Variants in EPHA6 observed in about 807,000 individuals in gnomAD.
EPHA6 encodes EPH receptor A6, also known as ephrin type-A receptor 6.
Under a neutral mutation model 112.0 loss-of-function variants are expected in EPHA6, and 50 were observed. That is an observed-to-expected ratio of 0.45 (90% CI 0.36 to 0.56). EPHA6 has a LOEUF of 0.56. Ranked by LOEUF, EPHA6 falls within the 20% of genes least tolerant of loss-of-function variation. The pLI, the probability that EPHA6 is intolerant of heterozygous loss-of-function variation, is 0.00. For synonymous variants in EPHA6, 529 were observed against 490.7 expected, an observed-to-expected ratio of 1.08 and a Z score of -1.03; for missense variants, 1,280 against 1,417.4, an observed-to-expected ratio of 0.90 and a Z score of 1.56.
Position 97,607,095 on chromosome 3 carries a change from G to C in EPHA6, c.2513-3698G>C, listed in dbSNP as rs2093685322. 1.3e-5 allele frequency among the ~76,000 whole-genome samples: 2 copies of C among 148,632 alleles called. 1 individual carries two copies. Among genetic ancestry groups the C allele is most frequent in the South Asian group, 4.2e-4 (2 of 4,756 alleles). ...CACATTAGAAATTGCCAAACTAATAGAGAATACTACATCCAGTACAAACTC... is the reference window on the plus strand; with the variant it reads ...CACATTAGAAATTGCCAAACTAATACAGAATACTACATCCAGTACAAACTC... On this transcript the variant is annotated intron_variant, in intron 12 of 17. Transcript: ENST00000389672.
intron 3 of EPHA6, among the ~76,000 whole-genome samples, chr3:97,129,371 G>A (rs954274166): frequency 3.9e-5 from 6 of 151,988 alleles, no homozygotes; most frequent in African/African-American, 1.4e-4. Flanking sequence ...GCGTGGTGGA[G>A]GGTGCCTGTA....
chr3:97,531,846 T>C (rs776109112), intron 10 of EPHA6, among the ~76,000 whole-genome samples: 1 of 152,082 alleles, frequency 6.6e-6, no homozygotes, highest in African/African-American at 2.4e-5. Flanking sequence ...AATCACTTAC[T>C]ATGGTAGAGT....
intron 3 of EPHA6, among the ~76,000 whole-genome samples, chr3:97,182,341 TTATCA>T (rs2077012022): frequency 6.7e-6 from 1 of 148,904 alleles, no homozygotes; most frequent in Non-Finnish European, 1.5e-5. Context: ...TTATATATAA[TTATCA>T]TATTATAATA....
intron 3 of EPHA6, among the ~76,000 whole-genome samples, chr3:97,172,492 T>C (rs1292487025): frequency 6.6e-6 from 1 of 152,044 alleles, no homozygotes; most frequent in South Asian, 2.1e-4. Context: ...TTACTCATTC[T>C]AAAATCTGTT....
At chr3:97,551,996 T>C (rs949549273) in intron 11 of EPHA6, among the ~76,000 whole-genome samples, 3 of 152,276 alleles carry the variant, frequency 2.0e-5, no homozygotes, top group East Asian at 3.9e-4. Context: ...ATAATTAATA[T>C]AATTACTTCT....
chr3:97,433,818 G>T, intron 6 of EPHA6, among the ~76,000 whole-genome samples: 1 of 151,998 alleles, frequency 6.6e-6, no homozygotes, highest in East Asian at 1.9e-4. Context: ...AAACATATCC[G>T]TTCCACCCTC....
chr3:97,612,308 A>G lies in EPHA6; in HGVS notation c.2574+1454A>G, dbSNP rs542185364. The G allele has an allele frequency of 1.4e-3, 479 of 342,806 alleles. 2 individuals carry two copies. Among genetic ancestry groups the G allele is most frequent in the Admixed American group, 2.7e-3 (74 of 26,964 alleles). The allele number at this position is 342,806 out of a possible 1,614,324, so 21.2% of individuals were successfully genotyped here. On this transcript the variant is annotated intron_variant, in intron 13 of 17. Coordinates refer to ENST00000389672, the MANE Select transcript of EPHA6 (RefSeq NM_001080448.3). ...TTCTTATCAGATACATATCAAAATGACTCATCATCTAATGATGCTTGGGTT... is the reference window on the plus strand; with the variant it reads ...TTCTTATCAGATACATATCAAAATGGCTCATCATCTAATGATGCTTGGGTT...
chr3:97,085,918 T>C (rs575205150), intron 3 of EPHA6, among the ~76,000 whole-genome samples: 12 of 142,188 alleles, frequency 8.4e-5, no homozygotes, highest in African/African-American at 3.1e-4. Flanking sequence ...AGCTTTTATA[T>C]ATATGATGTC....
At position 97,622,071 on chromosome 3, in the gene EPHA6, T is replaced by G. The variant is rs552891732; in HGVS notation, c.2574+11217T>G. Among the ~76,000 whole-genome samples, 34 of 151,952 alleles carry G rather than the reference T, an allele frequency of 2.2e-4. 1 individual carries two copies. The South Asian group carries it at 6.0e-3, about 27-fold the overall frequency. On this transcript the variant is annotated intron_variant, in intron 13 of 17. Transcript: ENST00000389672. ...TTATTTTGATAAAATACACATAACA[T>G]AAAATTTACCATCTTAACCATTTTT...
rs549290973 is a variant in EPHA6 at position 97,757,345 on chromosome 3, A to G, written c.*8644A>G. On this transcript the variant is annotated 3_prime_UTR_variant, in exon 18 of 18. Coordinates refer to ENST00000389672, the MANE Select transcript of EPHA6 (RefSeq NM_001080448.3). ...TGTATTGATACATACAATTAGAAAG[A>G]AATGTCATCAAAATATCAAAAATAG... 6.6e-6 allele frequency among the ~76,000 whole-genome samples: 1 copy of G among 151,962 alleles called. No individual in the cohort carries two copies. The highest frequency in any genetic ancestry group is 2.1e-4 in the South Asian group (1 of 4,828).
intron 2 of EPHA6, among the ~76,000 whole-genome samples, chr3:96,943,048 A>T (rs761548073): frequency 6.6e-6 from 1 of 151,640 alleles, no homozygotes; most frequent in African/African-American, 2.4e-5. Context: ...TTCTACTTTT[A>T]TAAGATCAAC....
chr3:97,220,659 G>C lies in EPHA6; in HGVS notation c.1115-5605G>C, dbSNP rs1196886518. ...CACTCAATATCACAAGGACAGCATG[G>C]GGGAAACCACCCCCATGATTCAATT... On this transcript the variant is annotated intron_variant, in intron 3 of 17. Transcript: ENST00000389672. 2.0e-5 allele frequency among the ~76,000 whole-genome samples: 3 copies of C among 152,058 alleles called. No homozygotes were observed. The East Asian group carries it at 5.8e-4, about 29-fold the overall frequency.
At chr3:97,397,657 C>T (rs2086770547) in intron 5 of EPHA6, among the ~76,000 whole-genome samples, 1 of 151,450 alleles carries the variant, frequency 6.6e-6, no homozygotes, top group African/African-American at 2.4e-5. Flanking sequence ...TTATATGAAG[C>T]AGTTTTCTTA....
intron 11 of EPHA6, among the ~76,000 whole-genome samples, chr3:97,549,425 G>A (rs2093000072): frequency 6.6e-6 from 1 of 152,144 alleles, no homozygotes. Flanking sequence ...AGTCAGGCAT[G>A]TCCCATTCCA....
At chr3:97,480,424 G>A (rs1247213306) in intron 9 of EPHA6, among the ~76,000 whole-genome samples, 2 of 151,646 alleles carry the variant, frequency 1.3e-5, no homozygotes, top group African/African-American at 4.9e-5. Flanking sequence ...ATTAGGGAGT[G>A]GTGATGACTC....
intron 3 of EPHA6, among the ~76,000 whole-genome samples, chr3:97,094,489 C>A (rs1258973888): frequency 1.3e-5 from 2 of 152,196 alleles, no homozygotes; most frequent in Admixed American, 6.5e-5. Context: ...CAGTTGTCAT[C>A]GTCTCTTAAA....
At chr3:97,251,226 T>A (rs1462826975) in intron 5 of EPHA6, among the ~76,000 whole-genome samples, 1 of 151,958 alleles carries the variant, frequency 6.6e-6, no homozygotes, top group Non-Finnish European at 1.5e-5. Context: ...AAAATAGCAT[T>A]AATGTGTAAG....
intron 3 of EPHA6, among the ~76,000 whole-genome samples, chr3:97,159,270 C>T (rs2076359182): frequency 1.3e-5 from 2 of 152,094 alleles, no homozygotes; most frequent in Admixed American, 1.3e-4. Context: ...TCCCTCCAGC[C>T]AGCACAGTAA....
chr3:96,841,504 T>C (rs1189338086), intron 1 of EPHA6, among the ~76,000 whole-genome samples: 3 of 152,044 alleles, frequency 2.0e-5, no homozygotes, highest in Admixed American at 2.0e-4. Context: ...GACTAGTTTG[T>C]CCAATGAATG....
Sources: gnomAD v4.1 joint callset for allele counts (sites outside exome capture counted in the v4.1 genomes callset) on GRCh38, gnomAD v4.1.1 for gene constraint, MANE v1.5 for transcripts, NCBI Gene and HGNC (gene_info 2026-07-23, HGNC 2026-07-21) for gene names.